ATP11A: variants seen among roughly 807,000 people sequenced by gnomAD.
ATP11A encodes ATPase phospholipid transporting 11A, also known as phospholipid-transporting ATPase IH.
ATP11A carries 81 observed loss-of-function variants against 154.4 expected under a neutral mutation model. The ratio of observed to expected loss-of-function variants is 0.52; its 90% CI spans 0.44 to 0.63. The LOEUF (loss-of-function observed/expected upper bound fraction) is 0.63, where lower values mean the gene tolerates loss of function less well. Among genes scored for constraint, ATP11A ranks in the 30% least tolerant of loss-of-function variants. The pLI is 0.00. For synonymous variants in ATP11A, 623 were observed against 585.9 expected, an observed-to-expected ratio of 1.06 and a Z score of -0.91; for missense variants, 1,316 against 1,474.3, an observed-to-expected ratio of 0.89 and a Z score of 1.76.
At chr13:112,879,690 C>T (rs1263000894) in intron 29 of ATP11A, among the ~76,000 whole-genome samples, 1 of 152,226 alleles carries the variant, frequency 6.6e-6, no homozygotes, top group Non-Finnish European at 1.5e-5. Context: ...CGCCTGCAGC[C>T]AGCACATGCC....
rs115248270 is a variant in ATP11A, at chr13:112,761,050, G to A, written c.40-24085G>A. 9.4e-3 allele frequency among the ~76,000 whole-genome samples: 1,436 copies of A among 152,298 alleles called. 25 individuals are homozygous for A. The highest frequency in any genetic ancestry group is 0.031 in the African/African-American group (1,304 of 41,566). On this transcript the variant is annotated intron_variant, in intron 1 of 29. Transcript: ENST00000375645. ...GGGGAGCGTGGTGAAACCTGGCTCC[G>A]CCTGCTCCATCGCTCCAGGGACTGA... is the stretch of plus-strand genomic sequence containing the variant.
At position 112,780,648 on chromosome 13, in the gene ATP11A, G is replaced by T. The variant is rs74732547; in HGVS notation, c.40-4487G>T. Among the ~76,000 whole-genome samples, 687 of 152,308 alleles carry T rather than the reference G, an allele frequency of 4.5e-3. 7 individuals carry two copies. Among genetic ancestry groups the T allele is most frequent in the African/African-American group, 0.015 (643 of 41,576 alleles). On this transcript the variant is annotated intron_variant, in intron 1 of 29. Transcript: ENST00000375645. ...TCGAGATGTTTCCTTTGGTCGGTTT[G>T]TGTCCTATGGTCAGTCACATCAGCA... is the stretch of plus-strand genomic sequence containing the variant.
chr13:112,816,241 C>T (rs748675103), intron 6 of ATP11A, 30 bp downstream of exon 6: 19 of 1,613,906 alleles, frequency 1.2e-5, no homozygotes, highest in Non-Finnish European at 1.4e-5. Flanking sequence ...GACTCCAGGG[C>T]AGGATCTTCC....
chr13:112,704,651 C>T (rs955990656), intron 1 of ATP11A, among the ~76,000 whole-genome samples: 7 of 152,200 alleles, frequency 4.6e-5, no homozygotes, highest in Non-Finnish European at 2.9e-5. Flanking sequence ...TGGGGGTGTC[C>T]CCCACTCTCT....
intron 2 of ATP11A, among the ~76,000 whole-genome samples, chr13:112,802,401 T>C (rs954667665): frequency 3.3e-5 from 5 of 150,044 alleles, no homozygotes; most frequent in African/African-American, 1.3e-4. Context: ...ATAGAGAGCC[T>C]GGGAGTAGAT....
intron 29 of ATP11A, chr13:112,880,340 C>T (rs2080847334): frequency 8.1e-6 from 2 of 246,822 alleles, no homozygotes; most frequent in African/African-American, 4.6e-5. Flanking sequence ...GCTCGGGCCC[C>T]TCATGGGAGC....
intron 1 of ATP11A, among the ~76,000 whole-genome samples, chr13:112,771,850 T>C (rs1463053097): frequency 1.3e-5 from 2 of 152,340 alleles, no homozygotes; most frequent in East Asian, 3.9e-4. Context: ...TAACATTTAA[T>C]ATCAAGAGAA....
chr13:112,863,424 AGGC>A (rs2140372091), intron 25 of ATP11A, among the ~76,000 whole-genome samples: 3 of 141,948 alleles, frequency 2.1e-5, no homozygotes, highest in African/African-American at 8.1e-5. Flanking sequence ...AATTCAGTGC[AGGC>A]CCTGCAGCTT....
chr13:112,769,876 G>A (rs535084253), intron 1 of ATP11A, among the ~76,000 whole-genome samples: 68 of 152,328 alleles, frequency 4.5e-4, no homozygotes, highest in South Asian at 2.1e-3. Context: ...CATCCCACGC[G>A]GCTGTAAATG....
intron 25 of ATP11A, among the ~76,000 whole-genome samples, chr13:112,866,321 G>A (rs2080330923): frequency 1.3e-5 from 2 of 152,196 alleles, no homozygotes; most frequent in Admixed American, 1.3e-4. Context: ...CCCAGAGCTA[G>A]CTCTGTGTTA....
chr13:112,698,986 C>T (rs1488555642), intron 1 of ATP11A, among the ~76,000 whole-genome samples: 1 of 152,210 alleles, frequency 6.6e-6, no homozygotes, highest in Non-Finnish European at 1.5e-5. Flanking sequence ...CCTCGGCCTC[C>T]CAAAGTACTG....
intron 1 of ATP11A, among the ~76,000 whole-genome samples, chr13:112,781,226 G>C (rs542895737): frequency 6.6e-6 from 1 of 151,890 alleles, no homozygotes; most frequent in South Asian, 2.1e-4. Context: ...TTTCAGTAGA[G>C]ATGGAGTTTC....
At chr13:112,732,461 T>TCTCCAGCTCC (rs1890586091) in intron 1 of ATP11A, among the ~76,000 whole-genome samples, 3 of 152,086 alleles carry the variant, frequency 2.0e-5, no homozygotes, top group Non-Finnish European at 4.4e-5. Flanking sequence ...TCTCCAGCTC[T>TCTCCAGCTCC]GTCTCTCTCC....
At chr13:112,844,603 C>T (rs960249830) in intron 17 of ATP11A, among the ~76,000 whole-genome samples, 6 of 152,200 alleles carry the variant, frequency 3.9e-5, no homozygotes, top group South Asian at 2.1e-4. Flanking sequence ...CTGTTGTATC[C>T]GGCGTCTTTC....
Position 112,873,564 on chromosome 13 carries a change from T to G in ATP11A, c.3058-9T>G. 3.8e-6 allele frequency: 6 copies of G among 1,583,336 alleles called. No individual in the cohort carries two copies. The highest frequency in any genetic ancestry group is 5.1e-6 in the Non-Finnish European group (6 of 1,168,906). On this transcript the variant is annotated splice_polypyrimidine_tract_variant and intron_variant, in intron 26 of 29. Coordinates refer to ENST00000375645, the MANE Select transcript of ATP11A (RefSeq NM_015205.3). ...ACACCGTTAACTGCCCTTTTTTTTT[T>G]CCTTTTAGCTTGCATTGGACACACA... is the stretch of plus-strand genomic sequence containing the variant.
chr13:112,808,353 AC>A (rs2078383731), intron 4 of ATP11A, among the ~76,000 whole-genome samples: 1 of 151,646 alleles, frequency 6.6e-6, no homozygotes, highest in Non-Finnish European at 1.5e-5. Context: ...CATCACCAGC[AC>A]CCCTGCCTCT....
rs568574006 is a variant in ATP11A, at chr13:112,811,347, T to G, written c.441+621T>G. ...TTTAAAATTATTATCACCACCCCCATCCCCACACACAGCCTCCCCATCACC... is the reference window on the plus strand; with the variant it reads ...TTTAAAATTATTATCACCACCCCCAGCCCCACACACAGCCTCCCCATCACC... On this transcript the variant is annotated intron_variant, in intron 5 of 29. Coordinates refer to ENST00000375645, the MANE Select transcript of ATP11A (RefSeq NM_015205.3). 1.2e-4 allele frequency among the ~76,000 whole-genome samples: 18 copies of G among 150,406 alleles called. No homozygotes were observed. The East Asian group carries it at 3.5e-3, about 29-fold the overall frequency.
intron 5 of ATP11A, among the ~76,000 whole-genome samples, chr13:112,814,362 T>C (rs2078585167): frequency 6.6e-6 from 1 of 151,896 alleles, no homozygotes; most frequent in African/African-American, 2.4e-5. Context: ...CACGCCTGGC[T>C]GATTTTTTTT....
chr13:112,715,783 C>A (rs1227108574), intron 1 of ATP11A, among the ~76,000 whole-genome samples: 1 of 151,874 alleles, frequency 6.6e-6, no homozygotes, highest in Non-Finnish European at 1.5e-5. Context: ...TTCTGTGTTG[C>A]TCTGTGATCA....
Sources: gnomAD v4.1 joint callset for allele counts (sites outside exome capture counted in the v4.1 genomes callset) on GRCh38, gnomAD v4.1.1 for gene constraint, MANE v1.5 for transcripts, NCBI Gene and HGNC (gene_info 2026-07-23, HGNC 2026-07-21) for gene names.